The following HHLA1 variants were observed in gnomAD, a reference collection of about 807,000 sequenced individuals.
HHLA1 encodes HHLA1 neighbor of OC90.
Under a neutral mutation model 69.9 loss-of-function variants are expected in HHLA1, and 72 were observed. The observed-to-expected ratio is 1.03, with a 90% CI of 0.85 to 1.25. The LOEUF is 1.25. Ranked by LOEUF, HHLA1 falls within the 50% of genes most tolerant of loss-of-function variation. HHLA1 has a pLI of 0.00. For synonymous variants in HHLA1, 252 were observed against 233.2 expected, an observed-to-expected ratio of 1.08 and a Z score of -0.73; for missense variants, 685 against 642.2, an observed-to-expected ratio of 1.07 and a Z score of -0.72.
chr8:132,081,836 T>A (rs1823757493), intron 10 of HHLA1, among the ~76,000 whole-genome samples: 1 of 152,154 alleles, frequency 6.6e-6, no homozygotes, highest in African/African-American at 2.4e-5. Flanking sequence ...GAATAGCAGA[T>A]GGGACACTGA....
chr8:132,079,860 T>C lies in HHLA1; in HGVS notation c.783A>G (p.Ala261=). 1 of 1,551,994 alleles carries C rather than the reference T, an allele frequency of 6.4e-7. No homozygotes were observed. Among genetic ancestry groups the C allele is most frequent in the Non-Finnish European group, 8.7e-7 (1 of 1,147,044 alleles). ...PGHWTQSTPW[A]SALRSSPWTE... ...TCCAGGGAGAGGATCTCAGAGCAGA[T>C]GCCCAGGGTGTGCTCTGGGTCCAGT... Residue 261 remains alanine, a synonymous_variant, in exon 11 of 17, where the codon GCA becomes GCG. Transcript: ENST00000414222.
At chr8:132,081,930 T>A (rs182589104) in intron 10 of HHLA1, among the ~76,000 whole-genome samples, 1 of 152,084 alleles carries the variant, frequency 6.6e-6, no homozygotes, top group African/African-American at 2.4e-5. Context: ...TGTACTATAG[T>A]ATAACCTGCC....
intron 7 of HHLA1, 81 bp from the exon 8 acceptor site, chr8:132,089,680 G>A (rs1823915526): frequency 1.3e-6 from 1 of 745,232 alleles, no homozygotes; most frequent in African/African-American, 1.8e-5. Flanking sequence ...ATTTTTCAGA[G>A]TAAATTTTAC....
intron 1 of HHLA1, among the ~76,000 whole-genome samples, chr8:132,108,139 G>T (rs186085536): frequency 6.6e-6 from 1 of 152,338 alleles, no homozygotes; most frequent in East Asian, 1.9e-4. Flanking sequence ...TCCTGGCTCT[G>T]CAGTGCAACT....
intron 15 of HHLA1, chr8:132,070,252 G>C: frequency 2.9e-6 from 2 of 693,202 alleles, no homozygotes; most frequent in East Asian, 2.7e-5. Context: ...AGAAATAACA[G>C]TATGTCAGCA....
At chr8:132,099,342 G>A (rs906058873) in intron 4 of HHLA1, among the ~76,000 whole-genome samples, 6 of 152,194 alleles carry the variant, frequency 3.9e-5, no homozygotes, top group Admixed American at 2.0e-4. Context: ...CCATGTAAAC[G>A]TGGGGTCCAC....
chr8:132,107,245 T>C (rs1586737611), intron 1 of HHLA1, among the ~76,000 whole-genome samples: 1 of 152,300 alleles, frequency 6.6e-6, no homozygotes, highest in East Asian at 1.9e-4. Flanking sequence ...TCTTGCTTCA[T>C]TATGTTAACC....
intron 15 of HHLA1, among the ~76,000 whole-genome samples, chr8:132,070,636 C>A (rs939344392): frequency 1.3e-5 from 2 of 152,106 alleles, no homozygotes; most frequent in African/African-American, 4.8e-5. Context: ...CTCATCTCAA[C>A]TCATTACACC....
intron 13 of HHLA1, 84 bp from the exon 14 acceptor site, chr8:132,076,213 A>G (rs976909040): frequency 1.0e-6 from 1 of 986,478 alleles, no homozygotes; most frequent in Non-Finnish European, 1.5e-6. Flanking sequence ...ATAACATCTT[A>G]AAGGTAAATC....
At chr8:132,083,224 A>G (rs1178459094) in intron 10 of HHLA1, among the ~76,000 whole-genome samples, 5 of 152,262 alleles carry the variant, frequency 3.3e-5, no homozygotes, top group South Asian at 2.1e-4. Context: ...AGGGAAATGC[A>G]CAGGTGGGGA....
chr8:132,083,275 G>T (rs867899345), intron 10 of HHLA1, among the ~76,000 whole-genome samples: 36 of 152,180 alleles, frequency 2.4e-4, no homozygotes, highest in South Asian at 4.2e-4. Context: ...GTCTAAGTTG[G>T]CACCAGAGTT....
chr8:132,066,884 T>C (rs146980843), intron 15 of HHLA1, among the ~76,000 whole-genome samples: 3 of 152,370 alleles, frequency 2.0e-5, no homozygotes, highest in Non-Finnish European at 4.4e-5. Flanking sequence ...ACCCACTTTA[T>C]GCCAGATCAC....
chr8:132,095,649 C>T, intron 6 of HHLA1, 47 bp from the exon 7 acceptor site: 13 of 1,526,218 alleles, frequency 8.5e-6, no homozygotes, highest in Non-Finnish European at 1.2e-5. Flanking sequence ...ACAGACCAGC[C>T]CTGCAACACA....
At chr8:132,097,740 G>A (rs896308868) in intron 5 of HHLA1, among the ~76,000 whole-genome samples, 7 of 152,082 alleles carry the variant, frequency 4.6e-5, no homozygotes, top group Non-Finnish European at 7.4e-5. Context: ...CCCTATCCTC[G>A]GCAACTCTCA....
At chr8:132,081,512 TA>T (rs939439170) in intron 10 of HHLA1, among the ~76,000 whole-genome samples, 114 of 152,342 alleles carry the variant, frequency 7.5e-4, no homozygotes, top group African/African-American at 2.5e-3. Context: ...CACTGAATAC[TA>T]AGAGCCTGAA....
intron 11 of HHLA1, 106 bp from the exon 12 acceptor site, chr8:132,078,077 G>A (rs960230893): frequency 2.4e-6 from 3 of 1,232,754 alleles, no homozygotes; most frequent in Non-Finnish European, 2.3e-6. Context: ...CAAATGCAAT[G>A]TGAACGTGTA....
intron 3 of HHLA1, among the ~76,000 whole-genome samples, chr8:132,102,791 C>G (rs1449968679): frequency 2.1e-5 from 2 of 95,528 alleles, no homozygotes; most frequent in East Asian, 5.2e-4. Context: ...CACTGAGCAC[C>G]ATTTTTTTTT....
intron 1 of HHLA1, among the ~76,000 whole-genome samples, chr8:132,109,096 C>T (rs189683404): frequency 3.3e-5 from 5 of 152,324 alleles, no homozygotes; most frequent in Admixed American, 1.3e-4. Context: ...CAACCTCCGC[C>T]TCCTGGGTTC....
At chr8:132,064,118 C>G (rs749232033) in intron 16 of HHLA1, 80 bp from the exon 17 acceptor site, 2 of 910,128 alleles carry the variant, frequency 2.2e-6, no homozygotes, top group African/African-American at 1.7e-5. Context: ...ACCCTGATGT[C>G]GCCAACAAGG....
Sources: gnomAD v4.1 joint callset for allele counts (sites outside exome capture counted in the v4.1 genomes callset) on GRCh38, gnomAD v4.1.1 for gene constraint, MANE v1.5 for transcripts, NCBI Gene and HGNC (gene_info 2026-07-23, HGNC 2026-07-21) for gene names.